ZNF579: variants seen among roughly 807,000 people sequenced by gnomAD.
ZNF579 encodes the protein zinc finger protein 579.
A neutral mutation model predicts 5.7 loss-of-function variants in ZNF579; 3 were observed. That is an observed-to-expected ratio of 0.53 (90% CI 0.24 to 1.36). The LOEUF is 1.36. ZNF579 is among the 40% of genes most tolerant of loss of function. ZNF579 has a pLI of 0.16. For missense variants in ZNF579, 679 were observed against 877.6 expected (o/e 0.77, Z 2.86); for synonymous variants, 454 against 409.0 (o/e 1.11, Z -1.33).
chr19:55,578,568 C>T lies in ZNF579; in HGVS notation c.1072G>A (p.Gly358Arg), dbSNP rs1339640427. ...GPEGGEGAEC[G>R]GASEGGEGQN... ...CCTTCTCCCCCTTCCGAGGCACCCC[C>T]GCACTCCGCCCCCTCGCCCCCCTCC... is the stretch of plus-strand genomic sequence containing the variant. The change falls in exon 2 of 2, where the codon GGG becomes AGG. Residue 358 changes from glycine (G) to arginine (R), a missense_variant. By Grantham distance (125) the Gly-to-Arg change is moderately radical (BLOSUM62 -2). Around this residue, in one of 6 missense-constraint regions of ZNF579, gnomAD observed 114 missense variants for 98.9 expected, o/e 1.15. Coordinates refer to ENST00000325421, the MANE Select transcript of ZNF579 (RefSeq NM_152600.3). 25 of 1,442,874 alleles carry T rather than the reference C, an allele frequency of 1.7e-5. No homozygotes were observed. The highest frequency in any genetic ancestry group is 2.1e-5 in the Non-Finnish European group (23 of 1,106,248). The allele number at this position is 1,442,874 out of a possible 1,614,324, so 89.4% of individuals were successfully genotyped here. A position where few individuals can be genotyped will look rare whatever the true frequency, so the allele number is the denominator to read the frequency against.
At position 55,576,895 on chromosome 19, in the gene ZNF579, T is replaced by A. The variant is rs149225651; in HGVS notation, c.*1056A>T. On this transcript the variant is annotated 3_prime_UTR_variant, in exon 2 of 2. Transcript: ENST00000325421. ...CATATTGGACAGTGAAGATGTAGAATATCCCATCATCACAAAAAGTTCTCC... is the reference window on the plus strand; with the variant it reads ...CATATTGGACAGTGAAGATGTAGAAAATCCCATCATCACAAAAAGTTCTCC... 2 of 152,296 alleles carry A rather than the reference T, an allele frequency of 1.3e-5. No individual in the cohort carries two copies. Among genetic ancestry groups the A allele is most frequent in the East Asian group, 3.9e-4 (2 of 5,186 alleles). 9.4% of individuals were successfully genotyped at this position (152,296 alleles called of 1,614,324 possible). A position where few individuals can be genotyped will look rare whatever the true frequency, so the allele number is the denominator to read the frequency against.
In ZNF579 at chr19:55,579,160, C is replaced by A; in HGVS notation, c.480G>T (p.Gly160=). 6.6e-7 allele frequency: 1 copy of A among 1,525,586 alleles called. No homozygotes were observed. Among genetic ancestry groups the A allele is most frequent in the Non-Finnish European group, 8.8e-7 (1 of 1,142,000 alleles). 94.5% of individuals were successfully genotyped at this position (1,525,586 alleles called of 1,614,324 possible). The change falls in exon 2 of 2, where the codon GGG becomes GGT. Residue 160 remains glycine (G), a synonymous_variant. Transcript: ENST00000325421. ...CTGCGACCGCCTCCTCCTCCGTGGCCCCTGCTGCAGCGGTGGTGGGCGGCT... is the reference window on the plus strand; with the variant it reads ...CTGCGACCGCCTCCTCCTCCGTGGCACCTGCTGCAGCGGTGGTGGGCGGCT... ...GSEPPTTAAA[G]ATEEEAVAAW... is the part of the protein sequence containing the mutation.
chr19:55,577,590 T>G lies in ZNF579; in HGVS notation c.*361A>C. ...GGGACAAGGACAGACCTTTGCTCACTGGGGACCCCCAGGGTCTGGCAGTTC... is the reference window on the plus strand; with the variant it reads ...GGGACAAGGACAGACCTTTGCTCACGGGGGACCCCCAGGGTCTGGCAGTTC... On this transcript the variant is annotated 3_prime_UTR_variant, in exon 2 of 2. Coordinates refer to ENST00000325421, the MANE Select transcript of ZNF579 (RefSeq NM_152600.3). 1 of 315,874 alleles carries G rather than the reference T, an allele frequency of 3.2e-6. No homozygotes were observed. The highest frequency in any genetic ancestry group is 3.7e-5 in the South Asian group (1 of 27,046). 19.6% of individuals were successfully genotyped at this position (315,874 alleles called of 1,614,324 possible).
Position 55,579,048 on chromosome 19 carries a change from C to CCGA in ZNF579, c.591_592insTCG (p.Glu197_Glu198insSer). 6.5e-7 allele frequency: 1 copy of CCGA among 1,530,914 alleles called. No individual in the cohort carries two copies. The highest frequency in any genetic ancestry group is 8.7e-7 in the Non-Finnish European group (1 of 1,145,004). 94.8% of individuals were successfully genotyped at this position (1,530,914 alleles called of 1,614,324 possible). On this transcript the variant is annotated inframe_insertion, in exon 2 of 2. Transcript: ENST00000325421. Reference sequence around the variant, plus strand: ...AGCTCTGCTGCCCCGGCCTCGGCCTCCTCCGACTCCGACTCCCGGGGCTCC... The same window carrying CCGA: ...AGCTCTGCTGCCCCGGCCTCGGCCTCCGACTCCGACTCCGACTCCCGGGGCTCC...
At position 55,579,236 on chromosome 19, in the gene ZNF579, A is replaced by C; in HGVS notation, c.404T>G (p.Val135Gly). 6.6e-7 allele frequency: 1 copy of C among 1,520,480 alleles called. No individual in the cohort carries two copies. The highest frequency in any genetic ancestry group is 8.8e-7 in the Non-Finnish European group (1 of 1,139,626). The allele number at this position is 1,520,480 out of a possible 1,614,324, so 94.2% of individuals were successfully genotyped here. A position where few individuals can be genotyped will look rare whatever the true frequency, so the allele number is the denominator to read the frequency against. The stretch of plus-strand genomic sequence containing the variant: ...GCTGGGTTCGGCCGTCTCCTTGGCC[A>C]CCCTCTCGATGGCCAGCTCGACCTC... ...GGEVELAIER[V>G]AKETAEPSWG... The change falls in exon 2 of 2, where the codon GTG (valine) becomes GGG (glycine). Residue 135 changes from valine to glycine, a missense_variant. By Grantham distance (109) the Val-to-Gly change is moderately radical (BLOSUM62 -3). Transcript: ENST00000325421.
chr19:55,579,778 G>A (rs1979585881), intron 1 of ZNF579, 137 bp from the exon 2 acceptor site: 3 of 983,986 alleles, frequency 3.0e-6, no homozygotes, highest in Admixed American at 8.4e-5. Flanking sequence ...AGAGAGATAT[G>A]AGACAGAGAC....
chr19:55,579,073 C>T lies in ZNF579; in HGVS notation c.567G>A (p.Ala189=), dbSNP rs1284393397. 9.8e-6 allele frequency: 15 copies of T among 1,529,348 alleles called. No individual in the cohort carries two copies. The Admixed American group carries it at 1.4e-4, about 14-fold the overall frequency. 94.7% of individuals were successfully genotyped at this position (1,529,348 alleles called of 1,614,324 possible). A position where few individuals can be genotyped will look rare whatever the true frequency, so the allele number is the denominator to read the frequency against. Reference sequence around the variant, plus strand: ...CCTCCGACTCCGACTCCCGGGGCTCCGCGGCGCTGGTGGGCGCAGCCAGCG... The same window carrying T: ...CCTCCGACTCCGACTCCCGGGGCTCTGCGGCGCTGGTGGGCGCAGCCAGCG... ...PSTLAAPTSA[A]EPRESESEEA... Residue 189 remains alanine, a synonymous_variant, in exon 2 of 2, where the codon GCG becomes GCA. Coordinates refer to ENST00000325421, the MANE Select transcript of ZNF579 (RefSeq NM_152600.3).
At position 55,579,652 on chromosome 19, in the gene ZNF579, A is replaced by G; in HGVS notation, c.-2-11T>C. Reference sequence around the variant, plus strand: ...GCTGCGGATCCATGCCTGTGGGGAGAGAGGGGAGAGATGGGAAGCGGGGCA... The same window carrying G: ...GCTGCGGATCCATGCCTGTGGGGAGGGAGGGGAGAGATGGGAAGCGGGGCA... On this transcript the variant is annotated splice_polypyrimidine_tract_variant and intron_variant, in intron 1 of 1. Coordinates refer to ENST00000325421, the MANE Select transcript of ZNF579 (RefSeq NM_152600.3). The G allele has an allele frequency of 7.0e-7, 1 of 1,429,224 alleles. No homozygotes were observed. The highest frequency in any genetic ancestry group is 9.1e-7 in the Non-Finnish European group (1 of 1,100,848). The allele number at this position is 1,429,224 out of a possible 1,614,324, so 88.5% of individuals were successfully genotyped here. A position where few individuals can be genotyped will look rare whatever the true frequency, so the allele number is the denominator to read the frequency against.
Position 55,578,998 on chromosome 19 carries a change from G to A in ZNF579, c.642C>T (p.Ala214=), listed in dbSNP as rs777143227. The part of the protein sequence containing the change: ...AELRAELALA[A]GRQEEKQVLL... ...GGACCTGTTTCTCCTCCTGCCGCCCGGCCGCCAGCGCCAGCTCGGCCCTCA... is the reference window on the plus strand; with the variant it reads ...GGACCTGTTTCTCCTCCTGCCGCCCAGCCGCCAGCGCCAGCTCGGCCCTCA... Residue 214 remains alanine (A), a synonymous_variant, in exon 2 of 2, where the codon GCC becomes GCT. Transcript: ENST00000325421. 12 of 1,532,570 alleles carry A rather than the reference G, an allele frequency of 7.8e-6. No individual in the cohort carries two copies. In the Admixed American group the frequency reaches 1.2e-4, roughly 15 times the overall value. The allele number at this position is 1,532,570 out of a possible 1,614,324, so 94.9% of individuals were successfully genotyped here. A position where few individuals can be genotyped will look rare whatever the true frequency, so the allele number is the denominator to read the frequency against.
chr19:55,580,242 T>C (rs890253886), intron 1 of ZNF579, among the ~76,000 whole-genome samples: 5 of 151,272 alleles, frequency 3.3e-5, no homozygotes, highest in Non-Finnish European at 7.4e-5. Flanking sequence ...ACACAGCCCA[T>C]GGGGCCTGAG....
rs758659349 is a variant in ZNF579, at chr19:55,579,113, G to A, written c.527C>T (p.Ala176Val). 15 of 1,526,708 alleles carry A rather than the reference G, an allele frequency of 9.8e-6. No homozygotes were observed. In the Middle Eastern group the frequency reaches 6.2e-4, roughly 63 times the overall value. 94.6% of individuals were successfully genotyped at this position (1,526,708 alleles called of 1,614,324 possible). ...AVAAWPETWP[A>V]GEPSTLAAPT... ...CGCAGCCAGCGTGGAAGGCTCCCCC[G>A]CAGGCCACGTCTCAGGCCACGCTGC... The change falls in exon 2 of 2, where the codon GCG becomes GTG. Residue 176 changes from alanine (A) to valine (V), a missense_variant. By Grantham distance (64) the Ala-to-Val change is moderately conservative. Transcript: ENST00000325421.
intron 1 of ZNF579, chr19:55,579,882 A>C (rs1457052329): frequency 2.5e-6 from 1 of 402,154 alleles, no homozygotes; most frequent in Non-Finnish European, 4.3e-6. Flanking sequence ...GAGACAGGAG[A>C]AGGCAGAGAT....
Position 55,577,734 on chromosome 19 carries a change from A to T in ZNF579, c.*217T>A. 2.3e-6 allele frequency: 2 copies of T among 871,656 alleles called. No homozygotes were observed. Among genetic ancestry groups the T allele is most frequent in the Non-Finnish European group, 3.4e-6 (2 of 594,512 alleles). The allele number at this position is 871,656 out of a possible 1,614,324, so 54.0% of individuals were successfully genotyped here. A position where few individuals can be genotyped will look rare whatever the true frequency, so the allele number is the denominator to read the frequency against. On this transcript the variant is annotated 3_prime_UTR_variant, in exon 2 of 2. Coordinates refer to ENST00000325421, the MANE Select transcript of ZNF579 (RefSeq NM_152600.3). ...CTTTTTTTCCAAGTCGTCCTGCCTT[A>T]AGACACATGTTGGGGTGAGCGGTTC...
In ZNF579 at chr19:55,578,178, G is replaced by A. The variant is rs1188627418; in HGVS notation, c.1462C>T (p.Pro488Ser). Residue 488 changes from proline (P) to serine (S), a missense_variant, in exon 2 of 2, where the codon CCG becomes TCG. Pro to Ser is a moderately conservative substitution (Grantham distance 74). Around this residue, in one of 6 missense-constraint regions of ZNF579, gnomAD observed 116 missense variants for 121.9 expected, o/e 0.95. Coordinates refer to ENST00000325421, the MANE Select transcript of ZNF579 (RefSeq NM_152600.3). ...AQAPTSPPPP[P>S]PPLKAEQEEE... Reference sequence around the variant, plus strand: ...TCCTGCTCGGCCTTCAGGGGCGGCGGGGGCGGTGGCGGCGACGTCGGGGCC... The same window carrying A: ...TCCTGCTCGGCCTTCAGGGGCGGCGAGGGCGGTGGCGGCGACGTCGGGGCC... 4.7e-6 allele frequency: 7 copies of A among 1,500,372 alleles called. No homozygotes were observed. Among genetic ancestry groups the A allele is most frequent in the Non-Finnish European group, 6.2e-6 (7 of 1,126,074 alleles). The allele number at this position is 1,500,372 out of a possible 1,614,324, so 92.9% of individuals were successfully genotyped here. A position where few individuals can be genotyped will look rare whatever the true frequency, so the allele number is the denominator to read the frequency against.
Position 55,578,181 on chromosome 19 carries a change from G to A in ZNF579, c.1459C>T (p.Pro487Ser), listed in dbSNP as rs754012439. Residue 487 changes from proline to serine, a missense_variant, in exon 2 of 2, where the codon CCC becomes TCC. By Grantham distance (74) the Pro-to-Ser change is moderately conservative. Around this residue, in one of 6 missense-constraint regions of ZNF579, gnomAD observed 116 missense variants for 121.9 expected, o/e 0.95. Transcript: ENST00000325421. ...QAQAPTSPPPPPPPLKAEQEE... is the reference protein window; with the variant it reads ...QAQAPTSPPPSPPPLKAEQEE... ...TGCTCGGCCTTCAGGGGCGGCGGGG[G>A]CGGTGGCGGCGACGTCGGGGCCTGG... is the stretch of plus-strand genomic sequence containing the variant. The A allele has an allele frequency of 3.9e-5, 58 of 1,496,070 alleles. No homozygotes were observed. The highest frequency in any genetic ancestry group is 4.1e-4 in the Middle Eastern group (2 of 4,840). 92.7% of individuals were successfully genotyped at this position (1,496,070 alleles called of 1,614,324 possible).
rs1234551592 is a variant in ZNF579, at chr19:55,578,512, C to T, written c.1128G>A (p.Arg376=). 4.2e-6 allele frequency: 6 copies of T among 1,412,184 alleles called. No homozygotes were observed. The highest frequency in any genetic ancestry group is 4.6e-6 in the Non-Finnish European group (5 of 1,094,786). The allele number at this position is 1,412,184 out of a possible 1,614,324, so 87.5% of individuals were successfully genotyped here. Residue 376 remains arginine (R), a synonymous_variant, in exon 2 of 2, where the codon CGG becomes CGA. Coordinates refer to ENST00000325421, the MANE Select transcript of ZNF579 (RefSeq NM_152600.3). ...AGAAGCGGGGCTCCCCGGCGGGGGG[C>T]CGAGCCGGGGCGGCGTCGCCTCCGT... is the stretch of plus-strand genomic sequence containing the variant. ...GQNGGDAAPA[R]PPAGEPRFWC...
rs1489563020 is a variant in ZNF579, at chr19:55,579,547, GCCACGGCCCCGA to G, written c.81_92del (p.Arg32_Gly35del). On this transcript the variant is annotated inframe_deletion, in exon 2 of 2. Coordinates refer to ENST00000325421, the MANE Select transcript of ZNF579 (RefSeq NM_152600.3). ...GGGCTCCAGCGCCCCCCCTGCCACG[GCCACGGCCCCGA>G]CCACGGCCTCGGCCACGGCCCCGGC... is the stretch of plus-strand genomic sequence containing the variant. The G allele has an allele frequency of 2.0e-6, 3 of 1,474,846 alleles. No individual in the cohort carries two copies. The highest frequency in any genetic ancestry group is 1.5e-5 in the African/African-American group (1 of 67,512). 91.4% of individuals were successfully genotyped at this position (1,474,846 alleles called of 1,614,324 possible). A position where few individuals can be genotyped will look rare whatever the true frequency, so the allele number is the denominator to read the frequency against.
Position 55,577,724 on chromosome 19 carries a change from G to C in ZNF579, c.*227C>G. On this transcript the variant is annotated 3_prime_UTR_variant, in exon 2 of 2. Coordinates refer to ENST00000325421, the MANE Select transcript of ZNF579 (RefSeq NM_152600.3). ...TGTCCGCCGCCTTTTTTTCCAAGTC[G>C]TCCTGCCTTAAGACACATGTTGGGG... 1.3e-6 allele frequency: 1 copy of C among 778,614 alleles called. No individual in the cohort carries two copies. Among genetic ancestry groups the C allele is most frequent in the South Asian group, 2.1e-5 (1 of 48,110 alleles). 48.2% of individuals were successfully genotyped at this position (778,614 alleles called of 1,614,324 possible). A position where few individuals can be genotyped will look rare whatever the true frequency, so the allele number is the denominator to read the frequency against.
chr19:55,577,871 A>G lies in ZNF579; in HGVS notation c.*80T>C. 6.5e-7 allele frequency: 1 copy of G among 1,528,382 alleles called. No homozygotes were observed. Among genetic ancestry groups the G allele is most frequent in the Non-Finnish European group, 8.8e-7 (1 of 1,141,800 alleles). The allele number at this position is 1,528,382 out of a possible 1,614,324, so 94.7% of individuals were successfully genotyped here. The stretch of plus-strand genomic sequence containing the variant: ...AAGGGGACGGGTGGGTAGACAGAGG[A>G]GGTGGCTCCTTCAACTTCCCTCCTC... On this transcript the variant is annotated 3_prime_UTR_variant, in exon 2 of 2. Transcript: ENST00000325421.
Sources: allele counts gnomAD v4.1 joint callset (sites outside exome capture counted in the v4.1 genomes callset), GRCh38; gene constraint gnomAD v4.1.1; regional missense constraint gnomAD v4.1.1; transcripts MANE v1.5; gene names NCBI Gene and HGNC (gene_info 2026-07-23, HGNC 2026-07-21).